PTPRD: variants seen among roughly 807,000 people sequenced by gnomAD.
PTPRD encodes the protein receptor-type tyrosine-protein phosphatase delta.
PTPRD carries 34 observed loss-of-function variants against 214.5 expected under a neutral mutation model. The observed-to-expected ratio is 0.16, with a 90% CI of 0.12 to 0.21. PTPRD has a LOEUF of 0.21. Among genes scored for constraint, PTPRD ranks in the 10% least tolerant of loss-of-function variants. The pLI is 1.00. For missense variants in PTPRD, 2,545 were observed against 2,398.7 expected (o/e 1.06, Z -1.27); for synonymous variants, 1,128 against 845.7 (o/e 1.33, Z -5.79).
chr9:10,279,211 C>G (rs1486980624), intron 3 of PTPRD, among the ~76,000 whole-genome samples: 1 of 151,324 alleles, frequency 6.6e-6, no homozygotes. Context: ...AAGTGTAGTT[C>G]AAGGGCATAT....
chr9:9,369,435 T>C (rs1323198155), intron 9 of PTPRD, among the ~76,000 whole-genome samples: 2 of 152,146 alleles, frequency 1.3e-5, no homozygotes, highest in South Asian at 2.1e-4. Flanking sequence ...TCATATCCTT[T>C]GCCCACTTTT....
intron 11 of PTPRD, among the ~76,000 whole-genome samples, chr9:8,787,055 C>T (rs532012461): frequency 1.3e-5 from 2 of 152,136 alleles, no homozygotes; most frequent in African/African-American, 4.8e-5. Flanking sequence ...AGTCTGGTCT[C>T]GAACTCCTGG....
chr9:10,506,680 T>G (rs888183134), intron 2 of PTPRD, among the ~76,000 whole-genome samples: 11 of 152,158 alleles, frequency 7.2e-5, no homozygotes, highest in African/African-American at 2.7e-4. Context: ...TACAATCTAT[T>G]TAGTTGTCAG....
intron 43 of PTPRD, among the ~76,000 whole-genome samples, chr9:8,332,648 TTTCTGATC>T (rs147749004): frequency 0.21 from 31,939 of 151,804 alleles, 6,221 homozygotes; most frequent in African/African-American, 0.53. Context: ...CACTAAGGCA[TTTCTGATC>T]TTCTGATCCC....
intron 3 of PTPRD, among the ~76,000 whole-genome samples, chr9:10,229,064 T>A (rs977550154): frequency 6.6e-6 from 1 of 151,860 alleles, no homozygotes; most frequent in African/African-American, 2.4e-5. Flanking sequence ...ATGACTGTGA[T>A]ATAAGACATT....
At chr9:10,513,573 T>C (rs916053862) in intron 2 of PTPRD, among the ~76,000 whole-genome samples, 4 of 152,164 alleles carry the variant, frequency 2.6e-5, no homozygotes, top group Admixed American at 6.6e-5. Context: ...TTCCGCTTTT[T>C]CTGGGAACAT....
At chr9:9,180,094 T>C (rs1164384915) in intron 10 of PTPRD, among the ~76,000 whole-genome samples, 2 of 152,042 alleles carry the variant, frequency 1.3e-5, no homozygotes, top group Non-Finnish European at 2.9e-5. Context: ...ATCCCATTAC[T>C]GGATATATAC....
chr9:10,228,462 G>C (rs2099596551), intron 3 of PTPRD, among the ~76,000 whole-genome samples: 1 of 151,870 alleles, frequency 6.6e-6, no homozygotes, highest in Admixed American at 6.6e-5. Flanking sequence ...CCTATTGCTT[G>C]TCATAGAACT....
intron 12 of PTPRD, among the ~76,000 whole-genome samples, chr9:8,649,967 G>GACTGCAGTTGCATAATCATGGTTC (rs1167324850): frequency 1.3e-5 from 2 of 151,966 alleles, no homozygotes; most frequent in African/African-American, 4.8e-5. Context: ...GCCTAGGCTG[G>GACTGCAGTTGCATAATCATGGTTC]ACTGCAGTTG....
intron 2 of PTPRD, among the ~76,000 whole-genome samples, chr9:10,374,390 A>T (rs1240368054): frequency 6.6e-6 from 1 of 152,062 alleles, no homozygotes; most frequent in Non-Finnish European, 1.5e-5. Flanking sequence ...TAAACAACAT[A>T]ACTAGTCCAG....
intron 5 of PTPRD, among the ~76,000 whole-genome samples, chr9:9,875,376 AC>A (rs201528980): frequency 8.6e-5 from 13 of 152,018 alleles, no homozygotes; most frequent in Non-Finnish European, 1.2e-4. Context: ...TGGCTCAAAA[AC>A]AAAAATAAAA....
chr9:9,194,002 TTA>T (rs1448054146), intron 9 of PTPRD, among the ~76,000 whole-genome samples: 1 of 152,160 alleles, frequency 6.6e-6, no homozygotes, highest in Admixed American at 6.6e-5. Flanking sequence ...CAAAAATATT[TTA>T]TTTCTTTATA....
chr9:10,411,285 G>GA (rs747593020), intron 2 of PTPRD, among the ~76,000 whole-genome samples: 69 of 151,732 alleles, frequency 4.5e-4, no homozygotes, highest in Non-Finnish European at 8.1e-4. Flanking sequence ...CTACTACTTG[G>GA]CAACCAAAAT....
intron 11 of PTPRD, among the ~76,000 whole-genome samples, chr9:8,914,460 C>T (rs2098770661): frequency 6.6e-6 from 1 of 152,108 alleles, no homozygotes; most frequent in Non-Finnish European, 1.5e-5. Context: ...CTTTCACTTA[C>T]AACTACTGCA....
intron 12 of PTPRD, among the ~76,000 whole-genome samples, chr9:8,696,104 C>T (rs2097905766): frequency 6.6e-6 from 1 of 152,196 alleles, no homozygotes; most frequent in Admixed American, 6.5e-5. Context: ...GAGACATCTT[C>T]AGAGGCAGCA....
At chr9:10,374,589 G>T (rs951331277) in intron 2 of PTPRD, among the ~76,000 whole-genome samples, 23 of 152,004 alleles carry the variant, frequency 1.5e-4, no homozygotes, top group African/African-American at 5.3e-4. Flanking sequence ...AATTGGAATT[G>T]AATTGGAGAA....
intron 2 of PTPRD, among the ~76,000 whole-genome samples, chr9:10,485,104 C>T (rs1322899834): frequency 6.6e-6 from 1 of 151,906 alleles, no homozygotes; most frequent in African/African-American, 2.4e-5. Context: ...TTTTCCAGCA[C>T]TATTTATTCA....
At chr9:9,099,690 G>A (rs1225487554) in intron 10 of PTPRD, among the ~76,000 whole-genome samples, 5 of 152,156 alleles carry the variant, frequency 3.3e-5, no homozygotes, top group Admixed American at 6.5e-5. Context: ...AACTACATAG[G>A]TGTTACTGAA....
At chr9:9,312,956 T>C (rs191085148) in intron 9 of PTPRD, among the ~76,000 whole-genome samples, 242 of 152,326 alleles carry the variant, frequency 1.6e-3, no homozygotes, top group African/African-American at 5.6e-3. Context: ...ACCACCACTA[T>C]GGCTACCATT....
Sources: gnomAD v4.1 joint callset for allele counts (sites outside exome capture counted in the v4.1 genomes callset) on GRCh38, gnomAD v4.1.1 for gene constraint, MANE v1.5 for transcripts, NCBI Gene and HGNC (gene_info 2026-07-23, HGNC 2026-07-21) for gene names.